NBEA: variants seen among roughly 807,000 people sequenced by gnomAD.
The protein encoded by NBEA is lysosomal-trafficking regulator 2.
NBEA carries 44 observed loss-of-function variants against 343.4 expected under a neutral mutation model. The ratio of observed to expected loss-of-function variants is 0.13; its 90% CI spans 0.10 to 0.16. The LOEUF is 0.16. Ranked by LOEUF, NBEA falls within the 10% of genes least tolerant of loss-of-function variation. The probability of loss-of-function intolerance (pLI) is 1.00; values close to 1 mark genes in which losing one functional copy is unlikely to be tolerated. For synonymous variants in NBEA, 1,175 were observed against 1,238.7 expected, an observed-to-expected ratio of 0.95 and a Z score of 1.08; for missense variants, 2,555 against 3,631.3, an observed-to-expected ratio of 0.70 and a Z score of 7.62.
At chr13:35,446,918 T>A (rs1175906815) in intron 39 of NBEA, among the ~76,000 whole-genome samples, 1 of 152,130 alleles carries the variant, frequency 6.6e-6, no homozygotes, top group Admixed American at 6.6e-5. Flanking sequence ...AAGCTGAGTC[T>A]ACATTAAAAC....
In NBEA at chr13:35,171,255, C is replaced by A; in HGVS notation, c.4243-17C>A. 1 of 1,602,524 alleles carries A rather than the reference C, an allele frequency of 6.2e-7. No homozygotes were observed. The highest frequency in any genetic ancestry group is 8.5e-7 in the Non-Finnish European group (1 of 1,172,958). On this transcript the variant is annotated splice_polypyrimidine_tract_variant and intron_variant, in intron 25 of 58. Coordinates refer to ENST00000379939, the MANE Select transcript of NBEA (RefSeq NM_001385012.1). ...TCCAAATTTTAAACAAGACTTAAAT[C>A]TTCTACTTTTTTAAAGACGGAATTG...
intron 38 of NBEA, among the ~76,000 whole-genome samples, chr13:35,421,061 A>C (rs2044241273): frequency 6.6e-6 from 1 of 151,602 alleles, no homozygotes. Flanking sequence ...TGTGTTCTTA[A>C]GGTGAGAATT....
At chr13:35,425,294 A>G (rs2044581865) in intron 38 of NBEA, among the ~76,000 whole-genome samples, 1 of 152,120 alleles carries the variant, frequency 6.6e-6, no homozygotes. Flanking sequence ...AGTGCTATAA[A>G]TTTCCCTCTA....
chr13:35,470,794 A>G (rs536410812), intron 40 of NBEA, among the ~76,000 whole-genome samples: 47 of 152,242 alleles, frequency 3.1e-4, no homozygotes, highest in Non-Finnish European at 6.9e-4. Context: ...AGACCCTCCA[A>G]TAAACACAAA....
intron 46 of NBEA, 92 bp from the exon 47 acceptor site, chr13:35,593,236 T>A: frequency 7.0e-7 from 1 of 1,435,246 alleles, no homozygotes; most frequent in Non-Finnish European, 9.4e-7. Context: ...CCTCCACATC[T>A]TGAAGGATTT....
intron 18 of NBEA, among the ~76,000 whole-genome samples, chr13:35,147,174 G>A (rs894702784): frequency 3.9e-5 from 6 of 152,114 alleles, no homozygotes; most frequent in Non-Finnish European, 8.8e-5. Context: ...TTCCAGTTAG[G>A]GTCATTGTTA....
rs548247877 is a variant in NBEA at position 35,210,398 on chromosome 13, C to T, written c.5522-655C>T. Reference sequence around the variant, plus strand: ...CTATAAAATGTTATAGTGGAAATCCCAGTAAGCAATTCAGTTTTATGGGAA... The same window carrying T: ...CTATAAAATGTTATAGTGGAAATCCTAGTAAGCAATTCAGTTTTATGGGAA... On this transcript the variant is annotated intron_variant, in intron 32 of 58. Transcript: ENST00000379939. 3.9e-5 allele frequency among the ~76,000 whole-genome samples: 6 copies of T among 152,130 alleles called. No individual in the cohort carries two copies. The East Asian group carries it at 1.2e-3, about 29-fold the overall frequency.
intron 1 of NBEA, among the ~76,000 whole-genome samples, chr13:35,006,474 C>T (rs1450754171): frequency 6.6e-6 from 1 of 152,060 alleles, no homozygotes; most frequent in Non-Finnish European, 1.5e-5. Context: ...TTTTAAAGCT[C>T]TTCTGGACAT....
At chr13:35,499,651 A>G (rs776519607) in intron 41 of NBEA, among the ~76,000 whole-genome samples, 3 of 152,008 alleles carry the variant, frequency 2.0e-5, no homozygotes, top group Admixed American at 6.6e-5. Context: ...TAATTACTTC[A>G]TGTTTTACAC....
chr13:35,542,717 T>TAAAATTTAAAAAAATAAATATTAAA (rs1382239871), intron 41 of NBEA, among the ~76,000 whole-genome samples: 2 of 152,090 alleles, frequency 1.3e-5, no homozygotes, highest in Non-Finnish European at 2.9e-5. Context: ...TTTAAATATT[T>TAAAATTTAAAAAAATAAATATTAAA]TAAAAAGACG....
At chr13:35,498,035 G>A (rs1466402) in intron 41 of NBEA, among the ~76,000 whole-genome samples, 143,551 of 152,110 alleles carry the variant, frequency 0.94, 67,839 homozygotes, top group East Asian at 1. Context: ...ATCTTAGCAT[G>A]TATTGATTTG....
In NBEA at chr13:35,452,187, G is replaced by A; in HGVS notation, c.6400G>A (p.Asp2134Asn). The A allele has an allele frequency of 1.2e-6, 2 of 1,604,400 alleles. No homozygotes were observed. Among genetic ancestry groups the A allele is most frequent in the Non-Finnish European group, 8.5e-7 (1 of 1,174,494 alleles). The change falls in exon 40 of 59, where the codon GAT (aspartate) becomes AAT (asparagine). Residue 2134 changes from aspartate to asparagine, a missense_variant. Physicochemically the swap from Asp to Asn is conservative, Grantham distance 23. Transcript: ENST00000379939. ...AETELMLEGD[D>N]DAVSLLQEKE... ...GACAGAACTTATGCTGGAAGGAGAC[G>A]ATGATGCAGTCAGTCTGCTACAGGA...
At chr13:35,300,054 T>C (rs1407227061) in intron 35 of NBEA, among the ~76,000 whole-genome samples, 1 of 152,206 alleles carries the variant, frequency 6.6e-6, no homozygotes, top group East Asian at 1.9e-4. Context: ...TCCTCTATGC[T>C]ATGTACTTTT....
intron 1 of NBEA, among the ~76,000 whole-genome samples, chr13:35,010,769 T>TATATATATATATACACACACACATATAC (rs1566159335): frequency 1.9e-5 from 2 of 102,598 alleles, no homozygotes; most frequent in African/African-American, 8.0e-5. Context: ...TATATATATA[T>TATATATATATATACACACACACATATAC]ATATATATAT....
intron 1 of NBEA, among the ~76,000 whole-genome samples, chr13:35,033,411 T>C (rs1478170639): frequency 2.0e-5 from 3 of 152,056 alleles, no homozygotes; most frequent in Non-Finnish European, 4.4e-5. Flanking sequence ...ACTATAGCTC[T>C]GTAATATAAT....
chr13:35,261,502 C>T (rs1172108208), intron 34 of NBEA, among the ~76,000 whole-genome samples: 1 of 151,884 alleles, frequency 6.6e-6, no homozygotes, highest in Non-Finnish European at 1.5e-5. Context: ...CAGAGCGAGA[C>T]TCCATCTCAA....
intron 24 of NBEA, among the ~76,000 whole-genome samples, chr13:35,166,656 C>G (rs1181696957): frequency 2.2e-4 from 33 of 152,210 alleles, no homozygotes; most frequent in Middle Eastern, 3.4e-3. Context: ...CCGAACCTTT[C>G]TCCCATTTTG....
chr13:34,967,630 G>A (rs2059865357), intron 1 of NBEA, among the ~76,000 whole-genome samples: 1 of 151,986 alleles, frequency 6.6e-6, no homozygotes, highest in South Asian at 2.1e-4. Context: ...TGAAACAGGA[G>A]GCTGTGAAAG....
chr13:35,119,559 T>G (rs550623590), intron 16 of NBEA, among the ~76,000 whole-genome samples: 1 of 152,236 alleles, frequency 6.6e-6, no homozygotes, highest in South Asian at 2.1e-4. Flanking sequence ...GATTATACAT[T>G]TAGTGATTAA....
Sources: gnomAD v4.1 joint callset for allele counts (sites outside exome capture counted in the v4.1 genomes callset) on GRCh38, gnomAD v4.1.1 for gene constraint, MANE v1.5 for transcripts, NCBI Gene and HGNC (gene_info 2026-07-23, HGNC 2026-07-21) for gene names.